NYAP2: variants seen among roughly 807,000 people sequenced by gnomAD.
NYAP2 encodes the protein neuronal tyrosine-phosphorylated phosphoinositide-3-kinase adapter 2.
In NYAP2, 23 loss-of-function variants were observed where a neutral mutation model predicts 50.4. The ratio of observed to expected loss-of-function variants is 0.46; its 90% CI spans 0.33 to 0.65. The LOEUF (loss-of-function observed/expected upper bound fraction) is 0.65. NYAP2 is among the 30% of genes least tolerant of loss of function. The pLI is 0.02. For synonymous variants in NYAP2, 394 were observed against 365.2 expected, an observed-to-expected ratio of 1.08 and a Z score of -0.90; for missense variants, 885 against 861.0, an observed-to-expected ratio of 1.03 and a Z score of -0.35.
At chr2:225,420,272 C>T (rs570646531) in intron 3 of NYAP2, among the ~76,000 whole-genome samples, 1 of 152,218 alleles carries the variant, frequency 6.6e-6, no homozygotes, top group Admixed American at 6.5e-5. Context: ...TTTCTGGGCA[C>T]ATGAGCTGCT....
chr2:225,436,770 G>A (rs943491744), intron 3 of NYAP2, among the ~76,000 whole-genome samples: 52 of 147,282 alleles, frequency 3.5e-4, no homozygotes, highest in African/African-American at 1.2e-3. Context: ...GAGAGAAGAA[G>A]AAGAAGAAGC....
the NYAP2 span, among the ~76,000 whole-genome samples, chr2:225,686,318 C>T: frequency 6.6e-6 from 1 of 152,098 alleles, no homozygotes; most frequent in African/African-American, 2.4e-5. Context: ...TAAAATTTCG[C>T]TGCAGCAAGA....
chr2:225,598,155 G>T (rs138766143), intron 5 of NYAP2, among the ~76,000 whole-genome samples: 3 of 152,070 alleles, frequency 2.0e-5, no homozygotes, highest in African/African-American at 7.2e-5. Context: ...GTACCCTTGC[G>T]CCATAAAGAA....
intron 3 of NYAP2, among the ~76,000 whole-genome samples, chr2:225,429,908 A>G (rs1695341292): frequency 6.6e-6 from 1 of 152,178 alleles, no homozygotes; most frequent in African/African-American, 2.4e-5. Flanking sequence ...GCTAGTTTGG[A>G]GCCAAAGAGC....
intron 6 of NYAP2, 98 bp downstream of exon 6, chr2:225,627,224 T>C (rs1693226230): frequency 1.1e-6 from 1 of 912,888 alleles, no homozygotes; most frequent in African/African-American, 1.6e-5. Context: ...CAGATATCTC[T>C]GTCTGCACAC....
At chr2:225,601,018 G>C (rs1193627550) in intron 5 of NYAP2, among the ~76,000 whole-genome samples, 1 of 152,076 alleles carries the variant, frequency 6.6e-6, no homozygotes, top group African/African-American at 2.4e-5. Flanking sequence ...ATATGTGATG[G>C]ACATGAGTGG....
Position 225,549,934 on chromosome 2 carries a change from G to A in NYAP2, c.524-32007G>A, listed in dbSNP as rs190990548. Among the ~76,000 whole-genome samples the A allele has an allele frequency of 2.5e-3, 379 of 151,846 alleles. 9 individuals carry two copies. In the East Asian group the frequency reaches 0.055, roughly 22 times the overall value. On this transcript the variant is annotated intron_variant, in intron 4 of 6. Coordinates refer to ENST00000636099, the Ensembl canonical transcript of NYAP2. ...CAGGAGGCAGAGGTTGCAGTGAGCCGAGATTGTACCACTGCACTCCAGCCT... is the reference window on the plus strand; with the variant it reads ...CAGGAGGCAGAGGTTGCAGTGAGCCAAGATTGTACCACTGCACTCCAGCCT...
the NYAP2 span, among the ~76,000 whole-genome samples, chr2:225,695,060 T>G: frequency 6.6e-6 from 1 of 151,534 alleles, no homozygotes; most frequent in Non-Finnish European, 1.5e-5. Context: ...AGCTTTATAA[T>G]TTTTATTCTT....
the NYAP2 span, among the ~76,000 whole-genome samples, chr2:225,683,814 C>T: frequency 7.9e-5 from 12 of 152,092 alleles, no homozygotes; most frequent in African/African-American, 9.7e-5. Flanking sequence ...TGGTAGGTCA[C>T]GAACTGGAAG....
chr2:225,421,627 A>C (rs867870182), intron 3 of NYAP2, among the ~76,000 whole-genome samples: 17 of 152,352 alleles, frequency 1.1e-4, no homozygotes, highest in South Asian at 4.1e-4. Context: ...GGGTGAGACT[A>C]GAATCTAAAA....
intron 5 of NYAP2, among the ~76,000 whole-genome samples, chr2:225,623,863 T>A (rs148527250): frequency 6.6e-6 from 1 of 152,406 alleles, no homozygotes; most frequent in African/African-American, 2.4e-5. Flanking sequence ...AAATTACTGC[T>A]ATACCACGTA....
At chr2:225,625,672 AT>A (rs1693196786) in intron 5 of NYAP2, among the ~76,000 whole-genome samples, 1 of 152,178 alleles carries the variant, frequency 6.6e-6, no homozygotes, top group African/African-American at 2.4e-5. Context: ...AACCAATGTA[AT>A]ACAGGTAGGT....
intron 3 of NYAP2, among the ~76,000 whole-genome samples, chr2:225,470,521 A>T (rs188987389): frequency 3.9e-5 from 6 of 152,136 alleles, no homozygotes; most frequent in African/African-American, 9.7e-5. Context: ...TTTGTGCCAC[A>T]CTTGAGGAAA....
At chr2:225,498,168 A>G (rs922749493) in intron 3 of NYAP2, among the ~76,000 whole-genome samples, 2 of 151,992 alleles carry the variant, frequency 1.3e-5, no homozygotes, top group African/African-American at 2.4e-5. Context: ...GCCATGGGAG[A>G]TAAAGGAAAC....
intron 3 of NYAP2, among the ~76,000 whole-genome samples, chr2:225,440,758 A>T (rs1438902265): frequency 6.6e-6 from 1 of 152,220 alleles, no homozygotes; most frequent in Non-Finnish European, 1.5e-5. Flanking sequence ...AGCATGCTGG[A>T]TTGAATTTAT....
chr2:225,430,313 T>C (rs1169169455), intron 3 of NYAP2, among the ~76,000 whole-genome samples: 1 of 152,332 alleles, frequency 6.6e-6, no homozygotes, highest in Non-Finnish European at 1.5e-5. Context: ...TTTCCAAATA[T>C]AGAATAATCA....
chr2:225,443,928 G>T (rs1414577986), intron 3 of NYAP2, among the ~76,000 whole-genome samples: 1 of 152,172 alleles, frequency 6.6e-6, no homozygotes, highest in Non-Finnish European at 1.5e-5. Flanking sequence ...TCTTGACCTT[G>T]TGTGATCTGC....
At chr2:225,670,919 A>G in the NYAP2 span, among the ~76,000 whole-genome samples, 1 of 152,122 alleles carries the variant, frequency 6.6e-6, no homozygotes, top group African/African-American at 2.4e-5. Context: ...GTGTCTAAAC[A>G]ATGTACATAC....
chr2:225,514,739 A>C (rs556504189), intron 4 of NYAP2, among the ~76,000 whole-genome samples: 80 of 152,314 alleles, frequency 5.3e-4, no homozygotes, highest in African/African-American at 1.9e-3. Context: ...TGTGGAAAAC[A>C]CTTCAAGGTT....
Sources: gnomAD v4.1 joint callset for allele counts (sites outside exome capture counted in the v4.1 genomes callset) on GRCh38, gnomAD v4.1.1 for gene constraint, MANE v1.5 for transcripts, NCBI Gene and HGNC (gene_info 2026-07-23, HGNC 2026-07-21) for gene names.